BPIFB4: variants seen among roughly 807,000 people sequenced by gnomAD.
BPIFB4 encodes the protein BPI fold-containing family B member 4.
In BPIFB4, 62 loss-of-function variants were observed where a neutral mutation model predicts 69.2. The ratio of observed to expected loss-of-function variants is 0.90; its 90% confidence interval spans 0.73 to 1.11. The LOEUF (loss-of-function observed/expected upper bound fraction) is 1.11, where lower values mean the gene tolerates loss of function less well. Ranked by LOEUF, BPIFB4 falls within the 50% of genes least tolerant of loss-of-function variation. The pLI, the probability that BPIFB4 is intolerant of heterozygous loss-of-function variation, is 0.00. For missense variants in BPIFB4, 789 were observed against 792.0 expected (o/e 1.00, Z 0.04); for synonymous variants, 330 against 332.7 (o/e 0.99, Z 0.09).
chr20:33,094,083 C>T (rs1981689289), intron 11 of BPIFB4, among the ~76,000 whole-genome samples: 1 of 152,230 alleles, frequency 6.6e-6, no homozygotes, highest in South Asian at 2.1e-4. Flanking sequence ...ACAAAACCAT[C>T]ATACAAATGA....
In BPIFB4 at chr20:33,083,552, C is replaced by G; in HGVS notation, c.355C>G (p.Arg119Gly). 1 of 1,614,018 alleles carries G rather than the reference C, an allele frequency of 6.2e-7. No individual in the cohort carries two copies. Among genetic ancestry groups the G allele is most frequent in the Non-Finnish European group, 8.5e-7 (1 of 1,179,960 alleles). Reference protein sequence around the residue: ...LESEGSIRDLRNSGYRSAENA... With the variant: ...LESEGSIRDLGNSGYRSAENA... ...GTCCGAGGGAAGCATCAGGGACCTC[C>G]GAAACAGTGGCTATCGCAGTGCCGA... Residue 119 changes from arginine (R) to glycine (G), a missense_variant, in exon 5 of 18, where the codon CGA becomes GGA. Physicochemically the swap from Arg to Gly is moderately radical, Grantham distance 125 (BLOSUM62 -2). Around this residue, in one of 3 missense-constraint regions of BPIFB4, gnomAD observed 611 missense variants for 575.4 expected, o/e 1.06. Coordinates refer to ENST00000375483, the MANE Select transcript of BPIFB4 (RefSeq NM_182519.3).
At chr20:33,104,562 A>C (rs1981990809) in intron 15 of BPIFB4, 1 of 454,832 alleles carries the variant, frequency 2.2e-6, no homozygotes, top group Non-Finnish European at 3.9e-6. Flanking sequence ...TCCCTGCTTC[A>C]TAGGGGCCTT....
intron 12 of BPIFB4, among the ~76,000 whole-genome samples, chr20:33,095,440 A>C (rs1233468076): frequency 1.3e-5 from 2 of 152,224 alleles, no homozygotes; most frequent in Admixed American, 6.5e-5. Context: ...ACTTTGGAGA[A>C]GAGTCTTAAC....
chr20:33,089,430 C>A, intron 8 of BPIFB4, 68 bp from the exon 9 acceptor site: 1 of 1,609,016 alleles, frequency 6.2e-7, no homozygotes, highest in Non-Finnish European at 8.5e-7. Flanking sequence ...GTTACTCTTG[C>A]GTCCCCGACT....
chr20:33,087,000 A>G (rs994005677), intron 7 of BPIFB4, among the ~76,000 whole-genome samples: 35 of 151,364 alleles, frequency 2.3e-4, no homozygotes, highest in African/African-American at 8.5e-4. Flanking sequence ...AGCCCTTGAA[A>G]CTCATTGTGC....
At position 33,083,790 on chromosome 20, in the gene BPIFB4, G is replaced by T. The variant is rs1214720800; in HGVS notation, c.593G>T (p.Gly198Val). The change falls in exon 5 of 18, where the codon GGT becomes GTT. Residue 198 changes from glycine (G) to valine (V), a missense_variant. Gly to Val is a moderately radical substitution (Grantham distance 109). Coordinates refer to ENST00000375483, the MANE Select transcript of BPIFB4 (RefSeq NM_182519.3). ...GGLLGGGGLL[G>V]DGGLLGGGGV... ...CTGCTCGGCGGAGGTGGTCTCCTTG[G>T]TGATGGAGGACTTCTTGGAGGAGGG... The T allele has an allele frequency of 6.2e-7, 1 of 1,613,810 alleles. No homozygotes were observed. Among genetic ancestry groups the T allele is most frequent in the African/African-American group, 1.3e-5 (1 of 75,026 alleles).
At chr20:33,095,192 T>A (rs576743440) in intron 12 of BPIFB4, 39 bp downstream of exon 12, 5 of 1,547,018 alleles carry the variant, frequency 3.2e-6, no homozygotes, top group East Asian at 4.5e-5. Flanking sequence ...TTCAGCCTCA[T>A]TCTCTATCTT....
rs368953502 is a variant in BPIFB4, at chr20:33,083,880, G to A, written c.677+6G>A. 53 of 1,595,456 alleles carry A rather than the reference G, an allele frequency of 3.3e-5. No homozygotes were observed. Among genetic ancestry groups the A allele is most frequent in the Non-Finnish European group, 4.0e-5 (47 of 1,169,356 alleles). On this transcript the variant is annotated splice_donor_region_variant and intron_variant, in intron 5 of 17. Coordinates refer to ENST00000375483, the MANE Select transcript of BPIFB4 (RefSeq NM_182519.3). ...ACTGTGCAAGGCATCACGGGGTAAG[G>A]AGGGGACGGGTTCTCCCCAGAAAGC...
rs374728670 is a variant in BPIFB4, at chr20:33,102,640, G to A, written c.1638-332G>A. Among the ~76,000 whole-genome samples the A allele has an allele frequency of 1.4e-4, 21 of 152,320 alleles. No homozygotes were observed. In the East Asian group the frequency reaches 3.5e-3, roughly 25 times the overall value. On this transcript the variant is annotated intron_variant, in intron 14 of 17. Transcript: ENST00000375483. ...AGGGCTCTGGAGCAGCGCTTTATGG[G>A]AATATCCCCTTTAGTCCTAGCAGCC...
chr20:33,104,713 C>A, intron 15 of BPIFB4, 97 bp from the exon 16 acceptor site: 2 of 1,152,014 alleles, frequency 1.7e-6, no homozygotes, highest in Admixed American at 2.0e-5. Flanking sequence ...CAGAGCAGGT[C>A]TGTGTCTCCA....
At chr20:33,107,201 T>C (rs34868076) in intron 16 of BPIFB4, among the ~76,000 whole-genome samples, 74,622 of 135,426 alleles carry the variant, frequency 0.55, 19,746 homozygotes, top group Middle Eastern at 0.64. Flanking sequence ...AAGACTCAGT[T>C]AAAAAAAAAA....
At chr20:33,087,622 C>T (rs1220401720) in intron 7 of BPIFB4, among the ~76,000 whole-genome samples, 2 of 151,962 alleles carry the variant, frequency 1.3e-5, no homozygotes, top group Admixed American at 1.3e-4. Context: ...TATGTCATTT[C>T]ACAGGAGGGT....
intron 2 of BPIFB4, among the ~76,000 whole-genome samples, chr20:33,080,862 T>G (rs1012160274): frequency 4.6e-5 from 7 of 151,850 alleles, no homozygotes; most frequent in African/African-American, 1.7e-4. Context: ...AGATGGATGA[T>G]AGATATATGG....
In BPIFB4 at chr20:33,090,724, G is replaced by C; in HGVS notation, c.1068G>C (p.Gly356=). Residue 356 remains glycine (G), a synonymous_variant, in exon 10 of 18, where the codon GGG becomes GGC. Coordinates refer to ENST00000375483, the MANE Select transcript of BPIFB4 (RefSeq NM_182519.3). ...LGLVDSLIPL[G]ILGSVQYTFS... ...TGCCTGCAGCTCTGATTCCTCTGGG[G>C]ATATTGGGAAGTGTCCAGTACACCT... 1 of 1,614,164 alleles carries C rather than the reference G, an allele frequency of 6.2e-7. No individual in the cohort carries two copies. Among genetic ancestry groups the C allele is most frequent in the Non-Finnish European group, 8.5e-7 (1 of 1,180,016 alleles).
At chr20:33,085,088 C>T in intron 6 of BPIFB4, 92 bp downstream of exon 6, 3 of 1,511,836 alleles carry the variant, frequency 2.0e-6, no homozygotes, top group Non-Finnish European at 2.7e-6. Flanking sequence ...TAAACTTCTG[C>T]CAGTGCATGC....
chr20:33,105,482 C>T (rs1438581100), intron 16 of BPIFB4, among the ~76,000 whole-genome samples: 1 of 152,162 alleles, frequency 6.6e-6, no homozygotes, highest in Non-Finnish European at 1.5e-5. Flanking sequence ...GTAGACTGAG[C>T]TTGCTTTGCT....
intron 12 of BPIFB4, among the ~76,000 whole-genome samples, chr20:33,096,220 G>T (rs1170842804): frequency 2.0e-5 from 3 of 152,132 alleles, no homozygotes; most frequent in African/African-American, 4.8e-5. Flanking sequence ...TATTTACTGG[G>T]TCACTTCCTA....
At chr20:33,094,225 A>G (rs1424828407) in intron 11 of BPIFB4, among the ~76,000 whole-genome samples, 1 of 152,218 alleles carries the variant, frequency 6.6e-6, no homozygotes, top group Non-Finnish European at 1.5e-5. Context: ...CTCTCCACAG[A>G]CAATGATATC....
chr20:33,107,154 A>G (rs1982082933), intron 16 of BPIFB4, among the ~76,000 whole-genome samples: 1 of 151,790 alleles, frequency 6.6e-6, no homozygotes. Flanking sequence ...CAGTGAGCTG[A>G]GATCGTGCCT....
Sources: gnomAD v4.1 joint callset for allele counts (sites outside exome capture counted in the v4.1 genomes callset) on GRCh38, gnomAD v4.1.1 for gene constraint, gnomAD v4.1.1 regional missense constraint, MANE v1.5 for transcripts, NCBI Gene and HGNC (gene_info 2026-07-23, HGNC 2026-07-21) for gene names.